PLCB1: variants seen among roughly 807,000 people sequenced by gnomAD.
PLCB1 encodes phospholipase C beta 1, also known as 1-phosphatidylinositol 4,5-bisphosphate phosphodiesterase beta-1.
In PLCB1, 46 loss-of-function variants were observed where a neutral mutation model predicts 161.8. The ratio of observed to expected loss-of-function variants is 0.28; its 90% CI spans 0.22 to 0.36. The LOEUF (loss-of-function observed/expected upper bound fraction) is 0.36. PLCB1 is among the 10% of genes least tolerant of loss of function. The probability of loss-of-function intolerance (pLI) is 1.00; values close to 1 mark genes in which losing one functional copy is unlikely to be tolerated. For synonymous variants in PLCB1, 517 were observed against 503.7 expected (o/e 1.03, Z -0.35); for missense variants, 1,016 against 1,472.5 (o/e 0.69, Z 5.07).
intron 3 of PLCB1, among the ~76,000 whole-genome samples, chr20:8,585,501 C>T (rs921568229): frequency 1.3e-5 from 2 of 152,242 alleles, no homozygotes; most frequent in African/African-American, 4.8e-5. Flanking sequence ...ACACACATTT[C>T]ACTCCAATAA....
chr20:8,670,559 T>G (rs1989917454), intron 9 of PLCB1, among the ~76,000 whole-genome samples: 1 of 152,196 alleles, frequency 6.6e-6, no homozygotes, highest in Admixed American at 6.5e-5. Flanking sequence ...GCACAGTTTT[T>G]GCAATCAAGA....
chr20:8,366,071 A>AG (rs1191717599), intron 2 of PLCB1, among the ~76,000 whole-genome samples: 2 of 152,194 alleles, frequency 1.3e-5, no homozygotes, highest in African/African-American at 4.8e-5. Flanking sequence ...GTCTTCTCTT[A>AG]GCTTGCCTGC....
intron 3 of PLCB1, among the ~76,000 whole-genome samples, chr20:8,477,121 T>C (rs1982312453): frequency 6.6e-6 from 1 of 152,178 alleles, no homozygotes; most frequent in Non-Finnish European, 1.5e-5. Flanking sequence ...ATGAATCTAA[T>C]GAGTAGTCTC....
intron 2 of PLCB1, among the ~76,000 whole-genome samples, chr20:8,167,532 T>C (rs903437280): frequency 1.3e-5 from 2 of 152,176 alleles, no homozygotes; most frequent in African/African-American, 4.8e-5. Context: ...CAACACTCCT[T>C]CTACTGTAGT....
Position 8,882,151 on chromosome 20 carries a change from C to A in PLCB1, c.*302C>A. 3.4e-6 allele frequency: 1 copy of A among 295,290 alleles called. No individual in the cohort carries two copies. The highest frequency in any genetic ancestry group is 6.3e-6 in the Non-Finnish European group (1 of 157,750). The allele number at this position is 295,290 out of a possible 1,614,324, so 18.3% of individuals were successfully genotyped here. ...GCTCCATGGAACTTTTAATGAAGGA[C>A]AGTGTCTTCTTTGAAGAAAATCAAG... On this transcript the variant is annotated 3_prime_UTR_variant, in exon 32 of 32. Coordinates refer to ENST00000338037, the MANE Select transcript of PLCB1 (RefSeq NM_015192.4).
At chr20:8,542,775 G>A (rs1600141230) in intron 3 of PLCB1, among the ~76,000 whole-genome samples, 2 of 152,168 alleles carry the variant, frequency 1.3e-5, no homozygotes, top group East Asian at 1.9e-4. Context: ...AGTGTCCTTC[G>A]TTCAGATCAG....
chr20:8,773,260 G>A lies in PLCB1; in HGVS notation c.2931-1279G>A, dbSNP rs182393750. Among the ~76,000 whole-genome samples, 415 of 152,288 alleles carry A rather than the reference G, an allele frequency of 2.7e-3. 1 individual carries two copies. Among genetic ancestry groups the A allele is most frequent in the Non-Finnish European group, 4.8e-3 (325 of 68,034 alleles). ...CGGACCACAAGTGAAAAATATGGAG[G>A]CAGAGTCTGATGTGTTGAATGTCTT... On this transcript the variant is annotated intron_variant, in intron 26 of 31. Transcript: ENST00000338037.
chr20:8,868,432 A>T (rs1251277889), intron 31 of PLCB1, among the ~76,000 whole-genome samples: 4 of 152,310 alleles, frequency 2.6e-5, no homozygotes, highest in South Asian at 2.1e-4. Context: ...GTAAAAGACA[A>T]TTCCCGATTA....
chr20:8,697,776 C>A lies in PLCB1; in HGVS notation c.1160C>A (p.Ser387Tyr). 6.2e-7 allele frequency: 1 copy of A among 1,614,070 alleles called. No homozygotes were observed. Among genetic ancestry groups the A allele is most frequent in the Non-Finnish European group, 8.5e-7 (1 of 1,179,954 alleles). ...THGFTMTTEI[S>Y]FKEVIEAIAE... The stretch of plus-strand genomic sequence containing the variant: ...GGCTTCACCATGACAACTGAAATAT[C>A]TTTCAAGGTAGAGTATATGAATGTT... Residue 387 changes from serine to tyrosine, a missense_variant, in exon 11 of 32, where the codon TCT (serine) becomes TAT (tyrosine). By Grantham distance (144) the Ser-to-Tyr change is moderately radical. This residue lies in a region of PLCB1 where 56 missense variants were observed against 126.3 expected (regional missense o/e 0.44). Coordinates refer to ENST00000338037, the MANE Select transcript of PLCB1 (RefSeq NM_015192.4).
chr20:8,850,402 G>C (rs1986848051), intron 31 of PLCB1, among the ~76,000 whole-genome samples: 1 of 152,206 alleles, frequency 6.6e-6, no homozygotes, highest in Non-Finnish European at 1.5e-5. Context: ...TCCTGAGAAA[G>C]CAGACCAGGC....
chr20:8,493,580 A>G (rs551706192), intron 3 of PLCB1, among the ~76,000 whole-genome samples: 6 of 152,340 alleles, frequency 3.9e-5, no homozygotes, highest in Non-Finnish European at 7.3e-5. Flanking sequence ...TTCTAACTTT[A>G]TGAGATGCTT....
intron 2 of PLCB1, among the ~76,000 whole-genome samples, chr20:8,156,141 G>A (rs989850928): frequency 6.6e-6 from 1 of 152,174 alleles, no homozygotes; most frequent in Non-Finnish European, 1.5e-5. Context: ...TGCTTTGTCT[G>A]GCTACTAGAA....
intron 1 of PLCB1, among the ~76,000 whole-genome samples, chr20:8,138,471 T>C (rs1268453734): frequency 1.3e-5 from 2 of 152,326 alleles, no homozygotes; most frequent in Middle Eastern, 3.4e-3. Flanking sequence ...ACTGAAATCA[T>C]TGGTCTTCTT....
intron 3 of PLCB1, among the ~76,000 whole-genome samples, chr20:8,514,621 A>G (rs1392610358): frequency 6.6e-6 from 1 of 152,042 alleles, no homozygotes; most frequent in Admixed American, 6.6e-5. Context: ...AAGAAACCCA[A>G]TCCCTAAACA....
At chr20:8,482,487 T>C (rs1191901886) in intron 3 of PLCB1, among the ~76,000 whole-genome samples, 3 of 152,224 alleles carry the variant, frequency 2.0e-5, no homozygotes, top group African/African-American at 7.2e-5. Flanking sequence ...TATGTCCATT[T>C]ACCTATAGCA....
intron 25 of PLCB1, among the ~76,000 whole-genome samples, chr20:8,761,214 A>G (rs1165913014): frequency 2.6e-5 from 4 of 152,238 alleles, no homozygotes; most frequent in Admixed American, 2.0e-4. Flanking sequence ...AAAAGAACAT[A>G]TTCTGTAGGA....
intron 3 of PLCB1, among the ~76,000 whole-genome samples, chr20:8,431,550 T>C (rs915663875): frequency 1.3e-5 from 2 of 152,184 alleles, no homozygotes; most frequent in African/African-American, 2.4e-5. Context: ...TGCTCTAAAT[T>C]TGTGACTGGA....
intron 2 of PLCB1, among the ~76,000 whole-genome samples, chr20:8,261,686 G>A (rs562451408): frequency 6.6e-6 from 1 of 152,252 alleles, no homozygotes; most frequent in African/African-American, 2.4e-5. Context: ...GGGGTAGAGT[G>A]CATGATATCT....
intron 3 of PLCB1, among the ~76,000 whole-genome samples, chr20:8,449,029 T>G (rs1444636256): frequency 6.6e-6 from 1 of 152,136 alleles, no homozygotes. Context: ...GCAACTAAAG[T>G]GAGAAGGGAA....
Sources: gnomAD v4.1 joint callset for allele counts (sites outside exome capture counted in the v4.1 genomes callset) on GRCh38, gnomAD v4.1.1 for gene constraint, gnomAD v4.1.1 regional missense constraint, MANE v1.5 for transcripts, NCBI Gene and HGNC (gene_info 2026-07-23, HGNC 2026-07-21) for gene names.